The following NTNG1 variants were observed in gnomAD, a reference collection of about 807,000 sequenced individuals.
NTNG1 encodes netrin G1.
NTNG1 carries 16 observed loss-of-function variants against 54.0 expected under a neutral mutation model. That is an observed-to-expected ratio of 0.30 (90% confidence interval 0.20 to 0.45). NTNG1 has a LOEUF of 0.45. Ranked by LOEUF, NTNG1 falls within the 20% of genes least tolerant of loss-of-function variation. The pLI, the probability that NTNG1 is intolerant of heterozygous loss-of-function variation, is 1.00. For synonymous variants in NTNG1, 255 were observed against 263.1 expected (o/e 0.97, Z 0.30); for missense variants, 530 against 678.7 (o/e 0.78, Z 2.43).
intron 2 of NTNG1, among the ~76,000 whole-genome samples, chr1:107,252,329 T>G (rs764850225): frequency 6.6e-6 from 1 of 152,228 alleles, no homozygotes; most frequent in Non-Finnish European, 1.5e-5. Flanking sequence ...GATTTTTTAA[T>G]TTGGTGATTC....
At chr1:107,424,316 G>A (rs1674750689) in intron 5 of NTNG1, among the ~76,000 whole-genome samples, 1 of 152,086 alleles carries the variant, frequency 6.6e-6, no homozygotes, top group Admixed American at 6.6e-5. Context: ...GCAACATGGA[G>A]GCACTGTGCC....
At chr1:107,153,416 T>G (rs1654736466) in intron 2 of NTNG1, among the ~76,000 whole-genome samples, 1 of 152,212 alleles carries the variant, frequency 6.6e-6, no homozygotes, top group African/African-American at 2.4e-5. Context: ...TCTGTTCACA[T>G]GAAACATAAT....
At chr1:107,151,144 A>T (rs1053151860) in intron 2 of NTNG1, among the ~76,000 whole-genome samples, 10 of 152,222 alleles carry the variant, frequency 6.6e-5, no homozygotes, top group African/African-American at 2.2e-4. Flanking sequence ...TGCATATGAT[A>T]GGCATAACAA....
At chr1:107,206,010 A>G (rs1158428445) in intron 2 of NTNG1, among the ~76,000 whole-genome samples, 1 of 152,120 alleles carries the variant, frequency 6.6e-6, no homozygotes, top group Non-Finnish European at 1.5e-5. Flanking sequence ...GTGACAATTT[A>G]TCTGTCCATT....
intron 4 of NTNG1, among the ~76,000 whole-genome samples, chr1:107,399,369 G>T (rs1439780083): frequency 6.6e-6 from 1 of 152,004 alleles, no homozygotes; most frequent in African/African-American, 2.4e-5. Flanking sequence ...TTACCCACAT[G>T]GTCTAATTGT....
At chr1:107,205,303 C>G (rs901038090) in intron 2 of NTNG1, among the ~76,000 whole-genome samples, 30 of 152,158 alleles carry the variant, frequency 2.0e-4, no homozygotes, top group Non-Finnish European at 3.8e-4. Flanking sequence ...GCCTGTCTCC[C>G]CAAATTTCAG....
intron 2 of NTNG1, among the ~76,000 whole-genome samples, chr1:107,213,689 G>T (rs1202861481): frequency 6.6e-6 from 1 of 152,136 alleles, no homozygotes; most frequent in Non-Finnish European, 1.5e-5. Flanking sequence ...GTGTGTATCA[G>T]TATGGCTATA....
rs1352105338 is a variant in NTNG1 at position 107,372,077 on chromosome 1, T to A, written c.888-23077T>A. On this transcript the variant is annotated intron_variant, in intron 3 of 7. Coordinates refer to ENST00000370068, the MANE Select transcript of NTNG1 (RefSeq NM_001113226.3). ...AATTTGTGTCTTCTTTTTTCTCAGA[T>A]CAGTTTAGCTAGAGATTCAACTTAA... Among the ~76,000 whole-genome samples, 11 of 152,168 alleles carry A rather than the reference T, an allele frequency of 7.2e-5. 1 individual carries two copies. In the East Asian group the frequency reaches 2.1e-3, roughly 29 times the overall value.
intron 2 of NTNG1, among the ~76,000 whole-genome samples, chr1:107,249,373 T>C (rs573387674): frequency 2.0e-5 from 3 of 151,606 alleles, no homozygotes; most frequent in African/African-American, 7.3e-5. Context: ...TCCCAGCTAC[T>C]CTGGAGGCTG....
intron 3 of NTNG1, among the ~76,000 whole-genome samples, chr1:107,329,327 G>A (rs895341931): frequency 6.6e-6 from 1 of 152,084 alleles, no homozygotes; most frequent in East Asian, 1.9e-4. Context: ...GGCCCCCTAC[G>A]TCACTCTCAG....
chr1:107,328,507 G>A (rs1260517137), intron 3 of NTNG1, among the ~76,000 whole-genome samples: 1 of 152,132 alleles, frequency 6.6e-6, no homozygotes, highest in East Asian at 1.9e-4. Flanking sequence ...CAGATGAGGG[G>A]CAAGAGGAGA....
intron 5 of NTNG1, among the ~76,000 whole-genome samples, chr1:107,427,725 C>T (rs760457674): frequency 2.0e-4 from 31 of 152,160 alleles, no homozygotes; most frequent in Non-Finnish European, 3.5e-4. Context: ...CATCATAAAA[C>T]ATTTTAATGC....
At chr1:107,193,082 G>A (rs4292979) in intron 2 of NTNG1, among the ~76,000 whole-genome samples, 9,739 of 152,004 alleles carry the variant, frequency 0.064, 415 homozygotes, top group African/African-American at 0.12. Flanking sequence ...TTGTTCAATG[G>A]TTAGACTCAG....
At position 107,479,541 on chromosome 1, in the gene NTNG1, C is replaced by T. The variant is rs140486280; in HGVS notation, c.1391-1070C>T. On this transcript the variant is annotated intron_variant, in intron 7 of 7. Transcript: ENST00000370068. Reference sequence around the variant, plus strand: ...GCTACTTTTTCTGCTCTGTTCCCCACCTCCCATTCCAGAGGGGTTCTATAT... The same window carrying T: ...GCTACTTTTTCTGCTCTGTTCCCCATCTCCCATTCCAGAGGGGTTCTATAT... Among the ~76,000 whole-genome samples the T allele has an allele frequency of 8.8e-3, 1,345 of 152,328 alleles. 72 individuals carry two copies. Among genetic ancestry groups the T allele is most frequent in the Admixed American group, 0.081 (1,247 of 15,302 alleles).
Position 107,325,797 on chromosome 1 carries a change from A to G in NTNG1, c.887+875A>G, listed in dbSNP as rs993835138. On this transcript the variant is annotated intron_variant, in intron 3 of 7. Transcript: ENST00000370068. ...GGAAAAGTAAAGGTAAGAGCAGAGT[A>G]TCTAGCAAAGGGAAAGGCAAGCAAA... Among the ~76,000 whole-genome samples, 5 of 152,120 alleles carry G rather than the reference A, an allele frequency of 3.3e-5. No homozygotes were observed. In the East Asian group the frequency reaches 7.7e-4, roughly 23 times the overall value.
rs1181282139 is a variant in NTNG1 at position 107,457,631 on chromosome 1, TTAA to T, written c.1390+20840_1390+20842del. Among the ~76,000 whole-genome samples, 7 of 152,292 alleles carry T rather than the reference TTAA, an allele frequency of 4.6e-5. No homozygotes were observed. The East Asian group carries it at 1.2e-3, about 25-fold the overall frequency. On this transcript the variant is annotated intron_variant, in intron 7 of 7. Coordinates refer to ENST00000370068, the MANE Select transcript of NTNG1 (RefSeq NM_001113226.3). ...TGATCTAGAAAATCTTATGCATTTT[TTAA>T]TAATAATTTATTTTTTAAGTTTTTT...
At position 107,430,903 on chromosome 1, in the gene NTNG1, A is replaced by T. The variant is rs1472319753; in HGVS notation, c.1241A>T (p.Glu414Val). ...AATGCTTCTGCACAACTGGACGATG[A>T]GAATGTGTGCATAGGTCAGTTCCAT... ...FRNASAQLDD[E>V]NVCIECYCNP... Residue 414 changes from glutamate to valine, a missense_variant, in exon 6 of 8, where the codon GAG (glutamate) becomes GTG (valine). Glu to Val is a moderately radical substitution (Grantham distance 121, BLOSUM62 -2). Transcript: ENST00000370068. The T allele has an allele frequency of 6.2e-7, 1 of 1,613,016 alleles. No individual in the cohort carries two copies. Among genetic ancestry groups the T allele is most frequent in the East Asian group, 2.2e-5 (1 of 44,772 alleles).
chr1:107,285,908 A>T (rs1445157278), intron 2 of NTNG1, among the ~76,000 whole-genome samples: 1 of 152,064 alleles, frequency 6.6e-6, no homozygotes, highest in African/African-American at 2.4e-5. Flanking sequence ...TTGATGTGTG[A>T]CACTCGCTCC....
In NTNG1 at chr1:107,395,278, T is replaced by A; in HGVS notation, c.1012T>A (p.Trp338Arg). The A allele has an allele frequency of 6.2e-7, 1 of 1,613,630 alleles. No individual in the cohort carries two copies. The highest frequency in any genetic ancestry group is 8.5e-7 in the Non-Finnish European group (1 of 1,179,676). Residue 338 changes from tryptophan (W) to arginine (R), a missense_variant, in exon 4 of 8, where the codon TGG (tryptophan) becomes AGG (arginine). Coordinates refer to ENST00000370068, the MANE Select transcript of NTNG1 (RefSeq NM_001113226.3). ...KCKKNYQGRPWSPGSYLPIPK... is the reference protein window; with the variant it reads ...KCKKNYQGRPRSPGSYLPIPK... ...CAAGAAGAATTATCAGGGCCGACCTTGGAGTCCAGGCTCCTATCTCCCCAT... is the reference window on the plus strand; with the variant it reads ...CAAGAAGAATTATCAGGGCCGACCTAGGAGTCCAGGCTCCTATCTCCCCAT...
Sources: allele counts gnomAD v4.1 joint callset (sites outside exome capture counted in the v4.1 genomes callset), GRCh38; gene constraint gnomAD v4.1.1; transcripts MANE v1.5; gene names NCBI Gene and HGNC (gene_info 2026-07-23, HGNC 2026-07-21).